Variants in PDS5B observed in about 807,000 individuals in gnomAD.
PDS5B encodes the protein PDS5 cohesin associated factor B, also known as sister chromatid cohesion protein PDS5 homolog B.
In PDS5B, 51 loss-of-function variants were observed where a neutral mutation model predicts 184.1. The ratio of observed to expected loss-of-function variants is 0.28; its 90% CI spans 0.22 to 0.35. PDS5B has a LOEUF of 0.35. Among genes scored for constraint, PDS5B ranks in the 10% least tolerant of loss-of-function variants. The probability of loss-of-function intolerance (pLI) is 1.00; values close to 1 mark genes in which losing one functional copy is unlikely to be tolerated. For synonymous variants in PDS5B, 566 were observed against 569.2 expected, an observed-to-expected ratio of 0.99 and a Z score of 0.08; for missense variants, 1,180 against 1,723.3, an observed-to-expected ratio of 0.68 and a Z score of 5.58.
intron 13 of PDS5B, among the ~76,000 whole-genome samples, chr13:32,693,167 A>T (rs571207674): frequency 6.6e-6 from 1 of 152,042 alleles, no homozygotes; most frequent in Non-Finnish European, 1.5e-5. Flanking sequence ...CCTCTGGAGT[A>T]TGAACATTTT....
intron 3 of PDS5B, among the ~76,000 whole-genome samples, chr13:32,656,058 C>T (rs973782742): frequency 1.3e-5 from 2 of 152,106 alleles, no homozygotes; most frequent in Non-Finnish European, 2.9e-5. Context: ...AGCTAGTTAT[C>T]CCAGCACCAT....
At chr13:32,755,817 TTTG>T (rs1954157516) in intron 25 of PDS5B, 22 bp from the exon 26 acceptor site, 8 of 1,064,416 alleles carry the variant, frequency 7.5e-6, no homozygotes, top group Admixed American at 4.8e-5. Flanking sequence ...TTTTTTTTTG[TTTG>T]TTTGTTTGTT....
chr13:32,603,479 T>C (rs1382109569), intron 1 of PDS5B, among the ~76,000 whole-genome samples: 1 of 152,268 alleles, frequency 6.6e-6, no homozygotes. Flanking sequence ...ACCAGTACCA[T>C]GCTGGTTTGG....
At position 32,675,965 on chromosome 13, in the gene PDS5B, T is replaced by C; in HGVS notation, c.962+6T>C. On this transcript the variant is annotated splice_donor_region_variant and intron_variant, in intron 9 of 34. Transcript: ENST00000315596. ...TGGCAGTGCTACTTGGGCAGGTATA[T>C]GATTTTGGTTTCCCATTTAAAAGTA... is the stretch of plus-strand genomic sequence containing the variant. 1.3e-6 allele frequency: 2 copies of C among 1,574,952 alleles called. No homozygotes were observed.
At chr13:32,676,932 C>CAA (rs4057303) in intron 9 of PDS5B, among the ~76,000 whole-genome samples, 998 of 78,820 alleles carry the variant, frequency 0.013, 13 homozygotes, top group South Asian at 0.044. Context: ...CTCTTGTCTC[C>CAA]AAAAAAAAAA....
intron 1 of PDS5B, among the ~76,000 whole-genome samples, chr13:32,598,741 G>A (rs938539550): frequency 1.5e-4 from 23 of 149,416 alleles, no homozygotes; most frequent in African/African-American, 5.6e-4. Context: ...GCTGGATATA[G>A]AATTCTCAGT....
intron 1 of PDS5B, among the ~76,000 whole-genome samples, chr13:32,610,218 T>C (rs1409515891): frequency 1.3e-5 from 2 of 152,216 alleles, no homozygotes; most frequent in East Asian, 3.8e-4. Context: ...TAGGTACGTA[T>C]AGGTAATACT....
intron 17 of PDS5B, among the ~76,000 whole-genome samples, chr13:32,702,922 G>T (rs1273272371): frequency 6.6e-6 from 1 of 152,120 alleles, no homozygotes; most frequent in Non-Finnish European, 1.5e-5. Flanking sequence ...TCTATGGCTA[G>T]TAGTGGAATG....
At chr13:32,716,792 T>TG (rs377036014) in intron 19 of PDS5B, among the ~76,000 whole-genome samples, 14 of 86,962 alleles carry the variant, frequency 1.6e-4, no homozygotes, top group East Asian at 6.4e-4. Flanking sequence ...GGGAGGGAGG[T>TG]GGGGGGGTCA....
chr13:32,754,932 G>A (rs1477626734), intron 25 of PDS5B, among the ~76,000 whole-genome samples: 1 of 151,994 alleles, frequency 6.6e-6, no homozygotes, highest in East Asian at 1.9e-4. Context: ...TCTAATATAG[G>A]CCTGGAACAT....
chr13:32,729,679 G>T (rs1953034566), intron 19 of PDS5B, among the ~76,000 whole-genome samples: 1 of 152,084 alleles, frequency 6.6e-6, no homozygotes. Context: ...GTTTTGATTT[G>T]CATTTCTCTA....
chr13:32,756,051 T>C (rs1486820743), intron 26 of PDS5B, 95 bp downstream of exon 26: 8 of 665,312 alleles, frequency 1.2e-5, no homozygotes, highest in Admixed American at 2.9e-5. Context: ...AGTTTATTGA[T>C]GTATTTCATT....
chr13:32,739,929 C>G (rs959894876), intron 21 of PDS5B, among the ~76,000 whole-genome samples: 1 of 151,914 alleles, frequency 6.6e-6, no homozygotes, highest in African/African-American at 2.4e-5. Flanking sequence ...ATAAATCTAC[C>G]TGATAGTCTC....
Position 32,710,003 on chromosome 13 carries a change from C to A in PDS5B, c.2020C>A (p.Leu674Met). ...FHSAETFESL[L>M]ACLKMDDEKV... ...TTCTGCTGAAACATTTGAATCATTA[C>A]TGGCTTGTCTGAAAATGGATGATGA... is the stretch of plus-strand genomic sequence containing the variant. Residue 674 changes from leucine (L) to methionine (M), a missense_variant, in exon 19 of 35, where the codon CTG (leucine) becomes ATG (methionine). Transcript: ENST00000315596. 6.4e-7 allele frequency: 1 copy of A among 1,550,640 alleles called. No homozygotes were observed. Among genetic ancestry groups the A allele is most frequent in the South Asian group, 1.2e-5 (1 of 80,210 alleles).
chr13:32,728,536 C>A (rs1294323614), intron 19 of PDS5B, among the ~76,000 whole-genome samples: 2 of 152,176 alleles, frequency 1.3e-5, no homozygotes, highest in Non-Finnish European at 2.9e-5. Context: ...CTGCCTTTCC[C>A]TTTGTAACTC....
At chr13:32,663,977 TTCCC>T in intron 6 of PDS5B, among the ~76,000 whole-genome samples, 1 of 152,228 alleles carries the variant, frequency 6.6e-6, no homozygotes, top group Non-Finnish European at 1.5e-5. Context: ...AGTATTTGGT[TTCCC>T]ATTCCTGAGT....
intron 12 of PDS5B, among the ~76,000 whole-genome samples, chr13:32,687,912 G>A (rs999530718): frequency 2.0e-5 from 3 of 152,060 alleles, no homozygotes; most frequent in African/African-American, 4.8e-5. Flanking sequence ...ATTTTAAGAG[G>A]CATAGATACT....
At chr13:32,666,412 T>C (rs1221226202) in intron 6 of PDS5B, among the ~76,000 whole-genome samples, 1 of 152,036 alleles carries the variant, frequency 6.6e-6, no homozygotes, top group Non-Finnish European at 1.5e-5. Context: ...GTAGGGAAAT[T>C]ATAGTTAACA....
At chr13:32,633,147 G>A (rs2058484029) in intron 1 of PDS5B, among the ~76,000 whole-genome samples, 2 of 152,148 alleles carry the variant, frequency 1.3e-5, no homozygotes, top group Admixed American at 1.3e-4. Flanking sequence ...AAGTTACCAG[G>A]GGCTGGGGAA....
Sources: gnomAD v4.1 joint callset for allele counts (sites outside exome capture counted in the v4.1 genomes callset) on GRCh38, gnomAD v4.1.1 for gene constraint, MANE v1.5 for transcripts, NCBI Gene and HGNC (gene_info 2026-07-23, HGNC 2026-07-21) for gene names.